The following DEUP1 variants were observed in gnomAD, a reference collection of about 807,000 sequenced individuals.
The protein encoded by DEUP1 is coiled-coil domain containing 67.
Under a neutral mutation model 87.4 loss-of-function variants are expected in DEUP1, and 82 were observed. The ratio of observed to expected loss-of-function variants is 0.94; its 90% CI spans 0.78 to 1.13. The LOEUF is 1.13. Ranked by LOEUF, DEUP1 falls within the 50% of genes most tolerant of loss-of-function variation. DEUP1 has a pLI of 0.00. For synonymous variants in DEUP1, 214 were observed against 222.7 expected, an observed-to-expected ratio of 0.96 and a Z score of 0.35; for missense variants, 663 against 681.5, an observed-to-expected ratio of 0.97 and a Z score of 0.30.
At chr11:93,398,371 T>C (rs748899858) in intron 11 of DEUP1, among the ~76,000 whole-genome samples, 2 of 152,176 alleles carry the variant, frequency 1.3e-5, no homozygotes, top group Non-Finnish European at 2.9e-5. Context: ...TGAACAGTAC[T>C]GTAAGAAAAA....
chr11:93,367,474 G>A (rs570118864), intron 5 of DEUP1, among the ~76,000 whole-genome samples: 1 of 152,134 alleles, frequency 6.6e-6, no homozygotes, highest in African/African-American at 2.4e-5. Flanking sequence ...GATATATTGT[G>A]GGAAATAGCT....
At chr11:93,332,359 A>G in intron 2 of DEUP1, 71 bp downstream of exon 2, 1 of 1,254,748 alleles carries the variant, frequency 8.0e-7, no homozygotes, top group South Asian at 1.4e-5. Flanking sequence ...AGAACACATG[A>G]ATTTTGAAAT....
At chr11:93,433,397 T>C (rs1462129197) in intron 13 of DEUP1, among the ~76,000 whole-genome samples, 1 of 152,192 alleles carries the variant, frequency 6.6e-6, no homozygotes, top group African/African-American at 2.4e-5. Context: ...TGTGTGCCTA[T>C]AGTCCCACCT....
chr11:93,342,157 T>C (rs888272040), intron 2 of DEUP1, among the ~76,000 whole-genome samples: 1 of 152,170 alleles, frequency 6.6e-6, no homozygotes, highest in African/African-American at 2.4e-5. Flanking sequence ...AGGACCTGAT[T>C]ATCTTTGGGG....
At chr11:93,350,204 A>G (rs896935596) in intron 2 of DEUP1, among the ~76,000 whole-genome samples, 7 of 152,178 alleles carry the variant, frequency 4.6e-5, no homozygotes, top group Non-Finnish European at 2.9e-5. Context: ...CTACTGTCAT[A>G]TGGTCTGATT....
intron 2 of DEUP1, among the ~76,000 whole-genome samples, chr11:93,350,383 T>C (rs1944566669): frequency 6.6e-6 from 1 of 152,128 alleles, no homozygotes; most frequent in South Asian, 2.1e-4. Flanking sequence ...GAGATCAGAT[T>C]AGGACCAATG....
At chr11:93,391,637 G>T (rs974119258) in intron 9 of DEUP1, among the ~76,000 whole-genome samples, 1 of 151,050 alleles carries the variant, frequency 6.6e-6, no homozygotes, top group African/African-American at 2.4e-5. Context: ...GAACCCGGGA[G>T]GTGGAGGTTG....
At chr11:93,416,764 G>C (rs1243613939) in intron 13 of DEUP1, among the ~76,000 whole-genome samples, 1 of 150,980 alleles carries the variant, frequency 6.6e-6, no homozygotes, top group Non-Finnish European at 1.5e-5. Context: ...GATAAACATT[G>C]ATGCAAAAAT....
intron 7 of DEUP1, 25 bp downstream of exon 7, chr11:93,371,305 A>G: frequency 1.2e-6 from 2 of 1,600,506 alleles, no homozygotes; most frequent in Non-Finnish European, 1.7e-6. Flanking sequence ...TTTTTCAACT[A>G]ATATTGTCCA....
At chr11:93,359,370 A>G (rs576567792) in intron 4 of DEUP1, among the ~76,000 whole-genome samples, 1 of 152,132 alleles carries the variant, frequency 6.6e-6, no homozygotes, top group African/African-American at 2.4e-5. Context: ...CCTTCTAACT[A>G]TTATAAAACT....
At position 93,381,084 on chromosome 11, in the gene DEUP1, T is replaced by C. The variant is rs181031182; in HGVS notation, c.790-4314T>C. ...TATATTGCATTAATTTAGCTTTTCC[T>C]CTGTTTCACTTCCAAATTTTACTCA... On this transcript the variant is annotated intron_variant, in intron 7 of 13. Coordinates refer to ENST00000298050, the MANE Select transcript of DEUP1 (RefSeq NM_181645.4). 1.3e-3 allele frequency among the ~76,000 whole-genome samples: 197 copies of C among 152,332 alleles called. 1 individual carries two copies. The highest frequency in any genetic ancestry group is 4.5e-3 in the African/African-American group (189 of 41,590).
chr11:93,433,938 G>C (rs567099899), intron 13 of DEUP1, among the ~76,000 whole-genome samples: 1 of 152,276 alleles, frequency 6.6e-6, no homozygotes, highest in Admixed American at 6.5e-5. Context: ...AGAGAGGATA[G>C]CAAATGGGCA....
chr11:93,398,898 T>C (rs898192015), intron 11 of DEUP1, among the ~76,000 whole-genome samples: 1 of 151,942 alleles, frequency 6.6e-6, no homozygotes, highest in Non-Finnish European at 1.5e-5. Context: ...TTTTTATATA[T>C]TTTTAGTAGA....
chr11:93,358,321 T>C (rs926911829), intron 4 of DEUP1, among the ~76,000 whole-genome samples: 1 of 152,220 alleles, frequency 6.6e-6, no homozygotes, highest in Non-Finnish European at 1.5e-5. Flanking sequence ...ATTTTATTAT[T>C]TGGCTGATGG....
In DEUP1 at chr11:93,389,205, T is replaced by C. The variant is rs527357649; in HGVS notation, c.1041+80T>C. On this transcript the variant is annotated intron_variant, in intron 9 of 13. Coordinates refer to ENST00000298050, the MANE Select transcript of DEUP1 (RefSeq NM_181645.4). ...AAAGGGAGTTAAAAAAAAATCTTTC[T>C]TCTCACTCCCTTTGTTTTCCTTCTG... The C allele has an allele frequency of 7.2e-5, 55 of 765,926 alleles. No individual in the cohort carries two copies. In the South Asian group the frequency reaches 9.2e-4, roughly 13 times the overall value. 47.4% of individuals were successfully genotyped at this position (765,926 alleles called of 1,614,324 possible).
chr11:93,371,882 G>A (rs1163397400), intron 7 of DEUP1, among the ~76,000 whole-genome samples: 1 of 151,028 alleles, frequency 6.6e-6, no homozygotes, highest in East Asian at 1.9e-4. Flanking sequence ...AGGTTATACA[G>A]CATTCATCAA....
intron 5 of DEUP1, 61 bp downstream of exon 5, chr11:93,364,355 C>T (rs993574925): frequency 9.0e-6 from 13 of 1,439,632 alleles, no homozygotes; most frequent in Non-Finnish European, 1.1e-5. Flanking sequence ...TTGTTGTGGG[C>T]TATTTGTCTC....
At chr11:93,348,856 T>G (rs376369652) in intron 2 of DEUP1, among the ~76,000 whole-genome samples, 1 of 152,202 alleles carries the variant, frequency 6.6e-6, no homozygotes, top group Admixed American at 6.5e-5. Flanking sequence ...AGTCATATGA[T>G]CATTATAGCA....
chr11:93,354,729 T>G (rs527397096), intron 2 of DEUP1, among the ~76,000 whole-genome samples: 1 of 152,248 alleles, frequency 6.6e-6, no homozygotes, highest in African/African-American at 2.4e-5. Context: ...GTCACTATCA[T>G]GAGAATAGCA....
Sources: gnomAD v4.1 joint callset for allele counts (sites outside exome capture counted in the v4.1 genomes callset) on GRCh38, gnomAD v4.1.1 for gene constraint, MANE v1.5 for transcripts, NCBI Gene and HGNC (gene_info 2026-07-23, HGNC 2026-07-21) for gene names.